The following MANSC4 variants were observed in gnomAD, a reference collection of about 807,000 sequenced individuals.
MANSC4 encodes the protein MANSC domain-containing protein 4.
MANSC4 carries 11 observed loss-of-function variants against 11.4 expected under a neutral mutation model. The ratio of observed to expected loss-of-function variants is 0.97; its 90% confidence interval spans 0.61 to 1.60. The LOEUF is 1.60. Among genes scored for constraint, MANSC4 ranks in the 40% most tolerant of loss-of-function variants. The pLI, the probability that MANSC4 is intolerant of heterozygous loss-of-function variation, is 0.00. For missense variants in MANSC4, 354 were observed against 404.6 expected, an observed-to-expected ratio of 0.88 and a Z score of 1.07; for synonymous variants, 123 against 147.1, an observed-to-expected ratio of 0.84 and a Z score of 1.19.
chr12:27,778,945 T>C (rs1486971964), intron 1 of MANSC4, among the ~76,000 whole-genome samples: 1 of 152,228 alleles, frequency 6.6e-6, no homozygotes, highest in African/African-American at 2.4e-5. Context: ...CTCGGCTCAC[T>C]GCAACCTCCG....
Position 27,763,234 on chromosome 12 carries a change from G to A in MANSC4, c.527C>T (p.Ser176Leu), listed in dbSNP as rs1193004129. 1 of 1,551,606 alleles carries A rather than the reference G, an allele frequency of 6.4e-7. No homozygotes were observed. The highest frequency in any genetic ancestry group is 1.2e-5 in the South Asian group (1 of 84,066). The stretch of plus-strand genomic sequence containing the variant: ...TACAACCAAATCTTGATGCGTGGTT[G>A]AGGATGGAGCCTCTGTGGATGGCAG... Reference protein sequence around the residue: ...GMLPSTEAPSSTTHQDLVVNT... With the variant: ...GMLPSTEAPSLTTHQDLVVNT... The change falls in exon 4 of 4, where the codon TCA becomes TTA. Residue 176 changes from serine to leucine, a missense_variant. Transcript: ENST00000381273.
intron 1 of MANSC4, among the ~76,000 whole-genome samples, chr12:27,778,988 C>T (rs1478648040): frequency 6.6e-6 from 1 of 152,224 alleles, no homozygotes; most frequent in Non-Finnish European, 1.5e-5. Flanking sequence ...CCTGCCTCAG[C>T]CTCCCGAGTA....
intron 1 of MANSC4, among the ~76,000 whole-genome samples, chr12:27,775,073 T>C (rs1450662167): frequency 6.7e-6 from 1 of 149,088 alleles, no homozygotes; most frequent in Non-Finnish European, 1.5e-5. Context: ...ATAAATAAGA[T>C]TACTTTCCTT....
intron 3 of MANSC4, among the ~76,000 whole-genome samples, 171 bp downstream of exon 3, chr12:27,766,494 G>T (rs1375552568): frequency 6.6e-6 from 1 of 152,170 alleles, no homozygotes; most frequent in East Asian, 1.9e-4. Context: ...AAACTAAAGA[G>T]AATTTTCTTT....
intron 1 of MANSC4, among the ~76,000 whole-genome samples, chr12:27,777,786 A>C (rs1032201162): frequency 2.0e-5 from 3 of 151,994 alleles, no homozygotes; most frequent in Non-Finnish European, 2.9e-5. Flanking sequence ...TCCTAGCATT[A>C]TTATAAAGAA....
intron 3 of MANSC4, among the ~76,000 whole-genome samples, chr12:27,765,440 C>T (rs1591808283): frequency 2.0e-5 from 3 of 152,130 alleles, no homozygotes; most frequent in African/African-American, 7.2e-5. Context: ...ATACCTGTCC[C>T]TACCTTATCT....
At chr12:27,778,573 A>AAACC (rs1445966836) in intron 1 of MANSC4, among the ~76,000 whole-genome samples, 77 of 152,184 alleles carry the variant, frequency 5.1e-4, no homozygotes, top group African/African-American at 1.8e-3. Context: ...AATAAAAAAA[A>AAACC]AAACCAAACA....
At chr12:27,766,848 C>T in intron 2 of MANSC4, 49 bp from the exon 3 acceptor site, 1 of 1,535,186 alleles carries the variant, frequency 6.5e-7, no homozygotes, top group East Asian at 2.5e-5. Context: ...TCAATTTGCA[C>T]CAATTTCATG....
At chr12:27,768,572 A>AT (rs2062084881) in intron 2 of MANSC4, among the ~76,000 whole-genome samples, 1 of 151,848 alleles carries the variant, frequency 6.6e-6, no homozygotes, top group Non-Finnish European at 1.5e-5. Context: ...TGCAACATAG[A>AT]TTCTACTTCT....
intron 1 of MANSC4, among the ~76,000 whole-genome samples, chr12:27,775,573 T>A (rs1452779071): frequency 6.6e-6 from 1 of 152,196 alleles, no homozygotes; most frequent in Non-Finnish European, 1.5e-5. Flanking sequence ...TATTTATTTT[T>A]AAATTTTTTT....
chr12:27,762,837 T>A lies in MANSC4; in HGVS notation c.924A>T (p.Gly308=). Residue 308 remains glycine (G), a synonymous_variant, in exon 4 of 4, where the codon GGA becomes GGT. Coordinates refer to ENST00000381273, the MANE Select transcript of MANSC4 (RefSeq NM_001146221.5). ...ACTGGCCCTGCTGCTTTCCACAGCA[T>A]CCAGATGCCAGGATGACTATACAAC... ...LGCCIVILAS[G]CCGKQQGQYK... 6.4e-7 allele frequency: 1 copy of A among 1,551,948 alleles called. No individual in the cohort carries two copies. Among genetic ancestry groups the A allele is most frequent in the Non-Finnish European group, 8.7e-7 (1 of 1,147,072 alleles).
intron 1 of MANSC4, among the ~76,000 whole-genome samples, chr12:27,778,028 C>G (rs577361133): frequency 7.4e-4 from 113 of 151,880 alleles, no homozygotes; most frequent in African/African-American, 2.7e-3. Context: ...GAGTTCCAGA[C>G]CAGCCTGACC....
chr12:27,773,587 T>TTG (rs2062108344), intron 1 of MANSC4, among the ~76,000 whole-genome samples: 1 of 152,208 alleles, frequency 6.6e-6, no homozygotes, highest in Non-Finnish European at 1.5e-5. Flanking sequence ...CAAATGTGAT[T>TTG]TGTACTTTAA....
At chr12:27,768,451 A>G (rs1236715103) in intron 2 of MANSC4, among the ~76,000 whole-genome samples, 6 of 150,082 alleles carry the variant, frequency 4.0e-5, no homozygotes, top group Non-Finnish European at 7.4e-5. Flanking sequence ...GAAAAAGAAA[A>G]TAGTTCTCTG....
chr12:27,772,703 A>G lies in MANSC4; in HGVS notation c.-306-1121T>C, dbSNP rs140498404. 3.3e-4 allele frequency among the ~76,000 whole-genome samples: 51 copies of G among 152,350 alleles called. 1 individual carries two copies. Among genetic ancestry groups the G allele is most frequent in the Admixed American group, 3.3e-3 (51 of 15,306 alleles). ...AGCAAATTTCAGTTGCTCACCTGCA[A>G]AGACTCAGACATTTCCATCTGTTTG... On this transcript the variant is annotated intron_variant, in intron 1 of 3. Transcript: ENST00000381273.
Position 27,762,571 on chromosome 12 carries a change from G to A in MANSC4, c.*167C>T, listed in dbSNP as rs1591807195. 6.6e-6 allele frequency among the ~76,000 whole-genome samples: 1 copy of A among 151,676 alleles called. No individual in the cohort carries two copies. ...TCACTATGTTGCCCAGGCTGGTCTC[G>A]AACTCCTGGGCTCAAGCAAATCTAC... On this transcript the variant is annotated 3_prime_UTR_variant, in exon 4 of 4. Coordinates refer to ENST00000381273, the MANE Select transcript of MANSC4 (RefSeq NM_001146221.5).
Position 27,770,960 on chromosome 12 carries a change from T to C in MANSC4, c.229+88A>G. ...TCTTCTCTAGTTCTTTACAACTGTTTACTGGCCTCTGCCTAAGGCTCCTCA... is the reference window on the plus strand; with the variant it reads ...TCTTCTCTAGTTCTTTACAACTGTTCACTGGCCTCTGCCTAAGGCTCCTCA... On this transcript the variant is annotated intron_variant, in intron 2 of 3. Transcript: ENST00000381273. 7.4e-6 allele frequency: 7 copies of C among 948,136 alleles called. No individual in the cohort carries two copies. In the South Asian group the frequency reaches 1.2e-4, roughly 17 times the overall value. 58.7% of individuals were successfully genotyped at this position (948,136 alleles called of 1,614,324 possible). A position where few individuals can be genotyped will look rare whatever the true frequency, so the allele number is the denominator to read the frequency against.
At chr12:27,765,205 A>C (rs1423089510) in intron 3 of MANSC4, among the ~76,000 whole-genome samples, 1 of 152,104 alleles carries the variant, frequency 6.6e-6, no homozygotes, top group Non-Finnish European at 1.5e-5. Context: ...GTCCTTATTC[A>C]ATCTTCCCAA....
chr12:27,763,067 TAGTC>T lies in MANSC4; in HGVS notation c.690_693del (p.Thr231PhefsTer8). 2 of 1,551,706 alleles carry T rather than the reference TAGTC, an allele frequency of 1.3e-6. No homozygotes were observed. The highest frequency in any genetic ancestry group is 1.7e-6 in the Non-Finnish European group (2 of 1,146,984). On this transcript the variant is annotated frameshift_variant, in exon 4 of 4. Transcript: ENST00000381273. LOFTEE classifies it low-confidence loss of function (END_TRUNC). ...TCTATGGGTTCAAAGAAAGGAGAAA[TAGTC>T]TTATTATCTGGATTGCTGATGAAAT...
Sources: gnomAD v4.1 joint callset for allele counts (sites outside exome capture counted in the v4.1 genomes callset) on GRCh38, gnomAD v4.1.1 for gene constraint, MANE v1.5 for transcripts, NCBI Gene and HGNC (gene_info 2026-07-23, HGNC 2026-07-21) for gene names.